PRPF40B: variants seen among roughly 807,000 people sequenced by gnomAD.
PRPF40B encodes the protein pre-mRNA-processing factor 40 homolog B.
PRPF40B carries 56 observed loss-of-function variants against 124.5 expected under a neutral mutation model. The ratio of observed to expected loss-of-function variants is 0.45; its 90% CI spans 0.36 to 0.56. The LOEUF (loss-of-function observed/expected upper bound fraction) is 0.56. Ranked by LOEUF, PRPF40B falls within the 20% of genes least tolerant of loss-of-function variation. PRPF40B has a pLI of 0.00. For missense variants in PRPF40B, 1,053 were observed against 1,169.5 expected, an observed-to-expected ratio of 0.90 and a Z score of 1.45; for synonymous variants, 443 against 426.4, an observed-to-expected ratio of 1.04 and a Z score of -0.48.
intron 7 of PRPF40B, 111 bp downstream of exon 7, chr12:49,633,235 T>C (rs572867249): frequency 5.3e-5 from 67 of 1,256,802 alleles, no homozygotes; most frequent in Non-Finnish European, 7.4e-5. Context: ...GATCCCAAGG[T>C]CCCTGACCAT....
chr12:49,635,484 C>T lies in PRPF40B; in HGVS notation c.1275+11C>T. ...GCCAAGAAGGAGAAGGTAATGGTCC[C>T]TGGGCAGAATCCTTCAGCCCATCTC... On this transcript the variant is annotated intron_variant, in intron 14 of 25. Transcript: ENST00000548825. This position sits in a 1 kb window ranked among gnomAD's most constrained non-coding sequence, Gnocchi z 4.1. The T allele has an allele frequency of 6.2e-7, 1 of 1,607,730 alleles. No individual in the cohort carries two copies. Among genetic ancestry groups the T allele is most frequent in the African/African-American group, 1.3e-5 (1 of 74,796 alleles).
In PRPF40B at chr12:49,633,498, G is replaced by C. The variant is rs201260222; in HGVS notation, c.531G>C (p.Gln177His). 21 of 1,614,086 alleles carry C rather than the reference G, an allele frequency of 1.3e-5. No individual in the cohort carries two copies. In the Admixed American group the frequency reaches 1.7e-4, roughly 13 times the overall value. The change falls in exon 8 of 26, where the codon CAG becomes CAC. Residue 177 changes from glutamine to histidine, a missense_variant. Coordinates refer to ENST00000548825, the MANE Select transcript of PRPF40B (RefSeq NM_001031698.3). ...DTGKPYYYNNQSKESRWTRPK... is the reference protein window; with the variant it reads ...DTGKPYYYNNHSKESRWTRPK... ...GCAAACCTTATTACTATAACAACCAGAGTAAAGAGTCCCGCTGGACCCGGC... is the reference window on the plus strand; with the variant it reads ...GCAAACCTTATTACTATAACAACCACAGTAAAGAGTCCCGCTGGACCCGGC...
In PRPF40B at chr12:49,643,350, C is replaced by G; in HGVS notation, c.2333C>G (p.Ala778Gly). The G allele has an allele frequency of 6.2e-7, 1 of 1,602,062 alleles. No homozygotes were observed. Among genetic ancestry groups the G allele is most frequent in the Non-Finnish European group, 8.5e-7 (1 of 1,174,608 alleles). Residue 778 changes from alanine (A) to glycine (G), a missense_variant, in exon 23 of 26, where the codon GCT becomes GGT. This residue lies in a region of PRPF40B where 895 missense variants were observed against 1,052.2 expected (regional missense o/e 0.85). Transcript: ENST00000548825. ...CTTGATTCAGTTGAAAGTGGGGGTG[C>G]TGCCCTTGGAGGACGGGGCTCCCCT... The part of the protein sequence containing the change: ...SSLDSVESGG[A>G]ALGGRGSPSS...
Position 49,642,026 on chromosome 12 carries a change from TGA to T in PRPF40B, c.1884+4_1884+5del. The T allele has an allele frequency of 6.2e-7, 1 of 1,612,140 alleles. No homozygotes were observed. Among genetic ancestry groups the T allele is most frequent in the Non-Finnish European group, 8.5e-7 (1 of 1,179,872 alleles). On this transcript the variant is annotated splice_donor_region_variant and intron_variant, in intron 19 of 25. Transcript: ENST00000548825. The surrounding 1 kb of genome is among the most constrained non-coding windows in gnomAD (Gnocchi z 5.8). ...AACATCAAGCTGACCTTCAATAGTG[TGA>T]GGGGCTGGGCGGGGCGTGGGAAGTT... is the stretch of plus-strand genomic sequence containing the variant.
chr12:49,624,511 C>T (rs990397496), intron 1 of PRPF40B, among the ~76,000 whole-genome samples: 1 of 152,168 alleles, frequency 6.6e-6, no homozygotes, highest in Non-Finnish European at 1.5e-5. Flanking sequence ...CCAAAAGTAA[C>T]ATTCGCTTCT....
rs375733550 is a variant in PRPF40B at position 49,643,988 on chromosome 12, G to C, written c.2570G>C (p.Gly857Ala). ...AELPNRSPGF[G>A]IKKEKTGWDT... ...CTCCCTAACCGTTCCCCAGGCTTTG[G>C]AATCAAGAAGGAGAAGGTGAGGGGC... Residue 857 changes from glycine (G) to alanine (A), a missense_variant, in exon 25 of 26, where the codon GGA becomes GCA. This residue lies in a region of PRPF40B where 895 missense variants were observed against 1,052.2 expected (regional missense o/e 0.85). Coordinates refer to ENST00000548825, the MANE Select transcript of PRPF40B (RefSeq NM_001031698.3). 6.2e-6 allele frequency: 10 copies of C among 1,614,158 alleles called. No homozygotes were observed. In the South Asian group the frequency reaches 9.9e-5, roughly 16 times the overall value.
intron 18 of PRPF40B, chr12:49,640,467 C>T (rs1261356708): frequency 2.0e-5 from 3 of 152,220 alleles, no homozygotes; most frequent in Admixed American, 6.5e-5. Context: ...GGTAGAGGCA[C>T]TGAGGACCAG....
chr12:49,642,240 G>A lies in PRPF40B; in HGVS notation c.1890G>A (p.Leu630=). The part of the protein sequence containing the change: ...GNIKLTFNSL[L]EKAEARERER... ...CGTGTCCCTTCTTTCCTCAGCTGCT[G>A]GAGAAAGCAGAGGCACGGGAGAGGG... The change falls in exon 20 of 26, where the codon CTG becomes CTA. Residue 630 remains leucine, a synonymous_variant. Transcript: ENST00000548825. The surrounding 1 kb of genome is among the most constrained non-coding windows in gnomAD (Gnocchi z 5.8). 1.2e-6 allele frequency: 2 copies of A among 1,614,184 alleles called. No individual in the cohort carries two copies. Among genetic ancestry groups the A allele is most frequent in the Non-Finnish European group, 1.7e-6 (2 of 1,180,014 alleles).
rs538377623 is a variant in PRPF40B at position 49,635,831 on chromosome 12, G to T, written c.1276-12G>T. 6.2e-7 allele frequency: 1 copy of T among 1,613,184 alleles called. No individual in the cohort carries two copies. Among genetic ancestry groups the T allele is most frequent in the Admixed American group, 1.7e-5 (1 of 59,976 alleles). On this transcript the variant is annotated splice_polypyrimidine_tract_variant and intron_variant, in intron 14 of 25. Coordinates refer to ENST00000548825, the MANE Select transcript of PRPF40B (RefSeq NM_001031698.3). The surrounding 1 kb of genome is among the most constrained non-coding windows in gnomAD (Gnocchi z 4.1). ...GCCTGCCCTGCCTCACCCTGATCCT[G>T]TGGCTCCCTAGGAACAGGCCAAGCA...
Position 49,642,282 on chromosome 12 carries a change from G to A in PRPF40B, c.1932G>A (p.Glu644=). 6.2e-7 allele frequency: 1 copy of A among 1,614,208 alleles called. No individual in the cohort carries two copies. ...GGGAGAGGGAGCGGGAGAAGGAGGA[G>A]GCACGCAGGATGCGGCGCAGGGAAG... is the stretch of plus-strand genomic sequence containing the variant. ...EAREREREKE[E]ARRMRRREAA... The change falls in exon 20 of 26, where the codon GAG becomes GAA. Residue 644 remains glutamate, a synonymous_variant. Coordinates refer to ENST00000548825, the MANE Select transcript of PRPF40B (RefSeq NM_001031698.3). This position sits in a 1 kb window ranked among gnomAD's most constrained non-coding sequence, Gnocchi z 5.8.
chr12:49,628,837 A>C (rs1940969388), intron 1 of PRPF40B, among the ~76,000 whole-genome samples: 1 of 152,228 alleles, frequency 6.6e-6, no homozygotes, highest in Non-Finnish European at 1.5e-5. Context: ...AAGTGCTGGG[A>C]TTACAGGTGT....
intron 1 of PRPF40B, among the ~76,000 whole-genome samples, chr12:49,625,752 C>T (rs1313153374): frequency 3.3e-5 from 5 of 152,198 alleles, no homozygotes; most frequent in African/African-American, 1.2e-4. Flanking sequence ...GCTTCTCTTT[C>T]AGCAACCATT....
chr12:49,628,289 C>G (rs1451487141), intron 1 of PRPF40B, among the ~76,000 whole-genome samples: 1 of 152,120 alleles, frequency 6.6e-6, no homozygotes, highest in African/African-American at 2.4e-5. Flanking sequence ...TTGAGAGTGT[C>G]TCACTCTGTC....
rs1342089229 is a variant in PRPF40B at position 49,637,482 on chromosome 12, G to A, written c.1573G>A (p.Glu525Lys). 3 of 1,613,050 alleles carry A rather than the reference G, an allele frequency of 1.9e-6. No individual in the cohort carries two copies. The highest frequency in any genetic ancestry group is 2.5e-6 in the Non-Finnish European group (3 of 1,179,732). The change falls in exon 17 of 26, where the codon GAG (glutamate) becomes AAG (lysine). Residue 525 changes from glutamate to lysine, a missense_variant. Physicochemically the swap from Glu to Lys is moderately conservative, Grantham distance 56 (BLOSUM62 1). Transcript: ENST00000548825. ...NREAFQTFLD[E>K]LHETGQLHSM... ...TCTCCCTGCTCAGACCTTCCTGGAC[G>A]AGCTGCATGAGACAGGGCAGCTGCA... is the stretch of plus-strand genomic sequence containing the variant.
At chr12:49,641,143 T>C (rs1220914845) in intron 18 of PRPF40B, 1 of 152,232 alleles carries the variant, frequency 6.6e-6, no homozygotes, top group Non-Finnish European at 1.5e-5. Context: ...AGATCACTTT[T>C]CTAAGCCTCT....
In PRPF40B at chr12:49,644,200, A is replaced by C; in HGVS notation, c.*8A>C. 1 of 1,613,966 alleles carries C rather than the reference A, an allele frequency of 6.2e-7. No homozygotes were observed. Among genetic ancestry groups the C allele is most frequent in the Admixed American group, 1.7e-5 (1 of 60,020 alleles). On this transcript the variant is annotated 3_prime_UTR_variant, in exon 26 of 26. Coordinates refer to ENST00000548825, the MANE Select transcript of PRPF40B (RefSeq NM_001031698.3). ...CTGGATGATCACCAGTGACCCAATG[A>C]GCTGTTCTCTGCCTCGGGTCTGTGT... is the stretch of plus-strand genomic sequence containing the variant.
Position 49,633,983 on chromosome 12 carries a change from A to G in PRPF40B, c.703A>G (p.Thr235Ala), listed in dbSNP as rs1565832055. ...GCCTCCTGGCCCCACCCCAGTGCCC[A>G]CAGGCCTCCTGGAACCTGAGCCAGG... Reference protein sequence around the residue: ...PVPPGPTPVPTGLLEPEPGGS... With the variant: ...PVPPGPTPVPAGLLEPEPGGS... Residue 235 changes from threonine (T) to alanine (A), a missense_variant, in exon 10 of 26, where the codon ACA becomes GCA. Physicochemically the swap from Thr to Ala is moderately conservative, Grantham distance 58 (BLOSUM62 0). Transcript: ENST00000548825. 6.2e-7 allele frequency: 1 copy of G among 1,614,138 alleles called. No homozygotes were observed.
chr12:49,633,357 C>T, intron 7 of PRPF40B, 70 bp from the exon 8 acceptor site: 1 of 1,599,356 alleles, frequency 6.3e-7, no homozygotes, highest in South Asian at 1.1e-5. Flanking sequence ...TCACTAGGTC[C>T]CCTTAGCTCC....
chr12:49,631,559 T>G lies in PRPF40B; in HGVS notation c.228+15T>G. On this transcript the variant is annotated intron_variant, in intron 3 of 25. Transcript: ENST00000548825. This position sits in a 1 kb window ranked among gnomAD's most constrained non-coding sequence, Gnocchi z 4.3. ...CACTCACACAGGTAATTGTCTCTCC[T>G]CCCCTGGGGCCTCAGAAAACCCTGT... The G allele has an allele frequency of 6.5e-7, 1 of 1,545,102 alleles. No individual in the cohort carries two copies. The highest frequency in any genetic ancestry group is 8.7e-7 in the Non-Finnish European group (1 of 1,150,640).
Sources: gnomAD v4.1 joint callset for allele counts (sites outside exome capture counted in the v4.1 genomes callset) on GRCh38, gnomAD v4.1.1 for gene constraint, gnomAD v4.1.1 regional missense constraint, Gnocchi (gnomAD v3.1) non-coding constraint, MANE v1.5 for transcripts, NCBI Gene and HGNC (gene_info 2026-07-23, HGNC 2026-07-21) for gene names.